The following IYD variants were observed in gnomAD, a reference collection of about 807,000 sequenced individuals.
The protein encoded by IYD is iodotyrosine deiodinase.
In IYD, 25 loss-of-function variants were observed where a neutral mutation model predicts 28.4. That is an observed-to-expected ratio of 0.88 (90% CI 0.64 to 1.23). The LOEUF (loss-of-function observed/expected upper bound fraction) is 1.23. IYD is among the 50% of genes most tolerant of loss of function. The pLI, the probability that IYD is intolerant of heterozygous loss-of-function variation, is 0.00. For synonymous variants in IYD, 140 were observed against 130.8 expected, an observed-to-expected ratio of 1.07 and a Z score of -0.48; for missense variants, 352 against 357.9, an observed-to-expected ratio of 0.98 and a Z score of 0.13.
At chr6:150,387,792 A>C (rs9478711) in intron 1 of IYD, among the ~76,000 whole-genome samples, 8,602 of 151,462 alleles carry the variant, frequency 0.057, 309 homozygotes, top group Non-Finnish European at 0.084. Flanking sequence ...ATTTTTTCAG[A>C]TTGTTTATAT....
Position 150,394,226 on chromosome 6 carries a change from G to A in IYD, c.658G>A (p.Ala220Thr), listed in dbSNP as rs121918140. ...HYYNEISVSI[A>T]CGILLAALQN... Reference sequence around the variant, plus strand: ...CTACAATGAGATCAGTGTTTCCATCGCTTGTGGCATCCTGCTAGCTGCCCT... The same window carrying A: ...CTACAATGAGATCAGTGTTTCCATCACTTGTGGCATCCTGCTAGCTGCCCT... The change falls in exon 4 of 5, where the codon GCT becomes ACT. Residue 220 changes from alanine to threonine, a missense_variant. Physicochemically the swap from Ala to Thr is moderately conservative, Grantham distance 58. Transcript: ENST00000344419. 4.3e-5 allele frequency: 70 copies of A among 1,614,018 alleles called. No individual in the cohort carries two copies. The Middle Eastern group carries it at 4.9e-4, about 11-fold the overall frequency.
chr6:150,375,231 A>G (rs943467930), intron 1 of IYD, among the ~76,000 whole-genome samples: 1 of 152,188 alleles, frequency 6.6e-6, no homozygotes, highest in African/African-American at 2.4e-5. Flanking sequence ...AGGAAACCTT[A>G]AATCCATTTC....
intron 1 of IYD, among the ~76,000 whole-genome samples, chr6:150,382,675 A>G: frequency 1.3e-5 from 2 of 152,088 alleles, no homozygotes; most frequent in East Asian, 3.9e-4. Flanking sequence ...TACATTTTGG[A>G]TAGGTTAGAA....
At position 150,396,521 on chromosome 6, in the gene IYD, C is replaced by G. The variant is rs73617699; in HGVS notation, c.688-1534C>G. The G allele has an allele frequency of 5.0e-3, 3,414 of 687,762 alleles. 82 individuals are homozygous for G. The African/African-American group carries it at 0.054, about 11-fold the overall frequency. 42.6% of individuals were successfully genotyped at this position (687,762 alleles called of 1,614,324 possible). ...ATTCAGTATGGAGTAAAAGCTATGT[C>G]TTGAAAAGGACCAAGATATAAAATG... On this transcript the variant is annotated intron_variant, in intron 4 of 4. Transcript: ENST00000344419.
chr6:150,391,233 CAAAAA>C (rs3842126), intron 2 of IYD, among the ~76,000 whole-genome samples: 11 of 114,052 alleles, frequency 9.6e-5, no homozygotes, highest in African/African-American at 1.8e-4. Context: ...GAGACGCCAT[CAAAAA>C]AAAAAAAAAA....
intron 1 of IYD, 119 bp downstream of exon 1, chr6:150,369,328 C>G: frequency 5.5e-6 from 5 of 915,776 alleles, no homozygotes; most frequent in Non-Finnish European, 6.9e-6. Flanking sequence ...CAACATCAAC[C>G]TCTATTGTGC....
intron 2 of IYD, 50 bp from the exon 3 acceptor site, chr6:150,392,295 T>C: frequency 6.2e-7 from 1 of 1,610,524 alleles, no homozygotes; most frequent in Non-Finnish European, 8.5e-7. Flanking sequence ...ATTAGCAGTC[T>C]CACACTTTCC....
At chr6:150,377,908 C>A (rs1428463073) in intron 1 of IYD, among the ~76,000 whole-genome samples, 1 of 152,100 alleles carries the variant, frequency 6.6e-6, no homozygotes, top group Non-Finnish European at 1.5e-5. Flanking sequence ...TTCGCTGGGC[C>A]AGGACTGATT....
chr6:150,379,190 C>T (rs953069985), intron 1 of IYD, among the ~76,000 whole-genome samples: 1 of 152,192 alleles, frequency 6.6e-6, no homozygotes, highest in Non-Finnish European at 1.5e-5. Flanking sequence ...GGCATTGATT[C>T]CTGGTTCCTC....
intron 2 of IYD, among the ~76,000 whole-genome samples, chr6:150,391,339 C>A (rs1050958199): frequency 6.6e-6 from 1 of 152,084 alleles, no homozygotes; most frequent in Admixed American, 6.5e-5. Flanking sequence ...CACTGTATAG[C>A]TAAGTTGCCT....
At chr6:150,377,435 G>T (rs1777489024) in intron 1 of IYD, among the ~76,000 whole-genome samples, 2 of 152,190 alleles carry the variant, frequency 1.3e-5, no homozygotes, top group South Asian at 4.1e-4. Context: ...CCCAGCCATA[G>T]TATAGACCTT....
intron 1 of IYD, chr6:150,370,570 G>A (rs1000603658): frequency 1.0e-6 from 1 of 985,366 alleles, no homozygotes; most frequent in Non-Finnish European, 1.2e-6. Context: ...GCTGCCTCTT[G>A]CTCTCCTACA....
At chr6:150,392,063 G>A (rs1263580039) in intron 2 of IYD, among the ~76,000 whole-genome samples, 2 of 151,968 alleles carry the variant, frequency 1.3e-5, no homozygotes, top group African/African-American at 4.8e-5. Context: ...TTAAGAGACA[G>A]GATGTCACTC....
chr6:150,374,536 C>T (rs1026755261), intron 1 of IYD, among the ~76,000 whole-genome samples: 1 of 152,156 alleles, frequency 6.6e-6, no homozygotes, highest in Non-Finnish European at 1.5e-5. Context: ...TACGTGGTGG[C>T]AGGCAAAGAG....
chr6:150,388,993 C>T (rs28622343), intron 1 of IYD, among the ~76,000 whole-genome samples: 15 of 152,240 alleles, frequency 9.9e-5, no homozygotes, highest in African/African-American at 3.4e-4. Context: ...TAAGCCACCA[C>T]GCCCGGACTT....
At chr6:150,377,483 G>A (rs1777491607) in intron 1 of IYD, among the ~76,000 whole-genome samples, 1 of 152,214 alleles carries the variant, frequency 6.6e-6, no homozygotes, top group East Asian at 1.9e-4. Flanking sequence ...CAGCCCGGCT[G>A]TGCACTGCTC....
chr6:150,390,319 G>A (rs1778067317), intron 2 of IYD, among the ~76,000 whole-genome samples: 1 of 152,170 alleles, frequency 6.6e-6, no homozygotes, highest in Non-Finnish European at 1.5e-5. Flanking sequence ...ACTAACAGCA[G>A]TTACTAAATT....
chr6:150,385,101 G>GCAGACAT (rs1306410803), intron 1 of IYD: 11 of 152,136 alleles, frequency 7.2e-5, no homozygotes, highest in African/African-American at 2.7e-4. Context: ...GCAGAAGCAG[G>GCAGACAT]CAGACATAAT....
intron 1 of IYD, among the ~76,000 whole-genome samples, chr6:150,381,270 C>T (rs956715198): frequency 1.3e-5 from 2 of 152,192 alleles, no homozygotes; most frequent in Admixed American, 6.5e-5. Flanking sequence ...AAATTCATCT[C>T]TAAGGATCTA....
Sources: gnomAD v4.1 joint callset for allele counts (sites outside exome capture counted in the v4.1 genomes callset) on GRCh38, gnomAD v4.1.1 for gene constraint, MANE v1.5 for transcripts, NCBI Gene and HGNC (gene_info 2026-07-23, HGNC 2026-07-21) for gene names.